The following STX3 variants were observed in gnomAD, a reference collection of about 807,000 sequenced individuals.
STX3 encodes the protein syntaxin 3, also known as syntaxin-3.
A neutral mutation model predicts 40.2 loss-of-function variants in STX3; 19 were observed. The observed-to-expected ratio is 0.47, with a 90% confidence interval of 0.33 to 0.69. The LOEUF (loss-of-function observed/expected upper bound fraction) is 0.69, where lower values mean the gene tolerates loss of function less well. STX3 is among the 30% of genes least tolerant of loss of function. The probability of loss-of-function intolerance (pLI) is 0.02; values close to 1 mark genes in which losing one functional copy is unlikely to be tolerated. For synonymous variants in STX3, 122 were observed against 132.2 expected, an observed-to-expected ratio of 0.92 and a Z score of 0.53; for missense variants, 364 against 366.7, an observed-to-expected ratio of 0.99 and a Z score of 0.06.
rs768902365 is a variant in STX3, at chr11:59,792,154, T to C, written c.405T>C (p.Asn135=). 1.2e-6 allele frequency: 2 copies of C among 1,613,984 alleles called. No individual in the cohort carries two copies. The highest frequency in any genetic ancestry group is 1.7e-6 in the Non-Finnish European group (2 of 1,180,040). Residue 135 remains asparagine (N), a synonymous_variant, in exon 6 of 11, where the codon AAT becomes AAC. Coordinates refer to ENST00000337979, the MANE Select transcript of STX3 (RefSeq NM_004177.5). ...TTGTGGAGGTGATGACCAAATACAA[T>C]GAAGCTCAAGTGGACTTCCGAGAAC... is the stretch of plus-strand genomic sequence containing the variant. The part of the protein sequence containing the change: ...RKFVEVMTKY[N]EAQVDFRERS...
At chr11:59,763,123 G>A (rs887309527) in intron 1 of STX3, among the ~76,000 whole-genome samples, 8 of 152,164 alleles carry the variant, frequency 5.3e-5, no homozygotes, top group Non-Finnish European at 1.2e-4. Context: ...AAATACTGCC[G>A]GATGAAAGAA....
chr11:59,800,821 G>A (rs941858288), intron 10 of STX3, 34 bp from the exon 11 acceptor site: 1 of 1,536,198 alleles, frequency 6.5e-7, no homozygotes, highest in Non-Finnish European at 8.7e-7. Flanking sequence ...TTCTTCCTGT[G>A]TACTGATCAG....
intron 1 of STX3, among the ~76,000 whole-genome samples, chr11:59,756,485 C>T (rs185193218): frequency 1.9e-3 from 283 of 152,312 alleles, no homozygotes; most frequent in Admixed American, 4.6e-3. Context: ...TTCAGTGGCA[C>T]AGGTTCTACC....
intron 3 of STX3, among the ~76,000 whole-genome samples, chr11:59,787,873 G>C (rs1864877247): frequency 6.6e-6 from 1 of 152,200 alleles, no homozygotes; most frequent in African/African-American, 2.4e-5. Flanking sequence ...GAACAAGCCT[G>C]ACACTGTCAT....
chr11:59,799,127 C>T (rs971600097), intron 10 of STX3, among the ~76,000 whole-genome samples: 6 of 151,244 alleles, frequency 4.0e-5, no homozygotes, highest in Non-Finnish European at 5.9e-5. Flanking sequence ...TGGACTCAAG[C>T]GATCCACTTG....
At chr11:59,789,211 TTTGTGAC>T (rs1354159709) in intron 4 of STX3, 1 of 312,390 alleles carries the variant, frequency 3.2e-6, no homozygotes, top group Non-Finnish European at 6.0e-6. Flanking sequence ...GCTGAGTAGT[TTTGTGAC>T]TTGGTCCTTT....
intron 2 of STX3, among the ~76,000 whole-genome samples, chr11:59,779,578 T>G (rs1321177997): frequency 6.6e-6 from 1 of 152,250 alleles, no homozygotes; most frequent in Non-Finnish European, 1.5e-5. Context: ...AGCATACTTG[T>G]CTCCTGCAGT....
intron 1 of STX3, among the ~76,000 whole-genome samples, chr11:59,764,888 A>G (rs1442298061): frequency 9.3e-6 from 1 of 107,264 alleles, no homozygotes; most frequent in Non-Finnish European, 1.9e-5. Context: ...ATTATCTATT[A>G]TTATTATTAT....
At chr11:59,773,394 G>T in intron 2 of STX3, 100 bp downstream of exon 2, 2 of 1,252,188 alleles carry the variant, frequency 1.6e-6, no homozygotes, top group Non-Finnish European at 2.3e-6. Context: ...AGCAGAGGAA[G>T]GTCACAGTTT....
At chr11:59,781,728 G>C (rs892663801) in intron 2 of STX3, 9 of 1,586,342 alleles carry the variant, frequency 5.7e-6, no homozygotes, top group Admixed American at 1.8e-5. Context: ...CATGGTGGGT[G>C]CGGGCGGGCT....
Position 59,764,403 on chromosome 11 carries a change from A to G in STX3, c.30+8768A>G, listed in dbSNP as rs143210588. Among the ~76,000 whole-genome samples, 233 of 152,342 alleles carry G rather than the reference A, an allele frequency of 1.5e-3. 3 individuals are homozygous for G. In the East Asian group the frequency reaches 0.016, roughly 10 times the overall value. On this transcript the variant is annotated intron_variant, in intron 1 of 10. Transcript: ENST00000337979. ...GCAGATTATTCTTGTCATGTCACAA[A>G]TGAAGAAACTGAGGCACAGAGAAGT... is the stretch of plus-strand genomic sequence containing the variant.
intron 5 of STX3, among the ~76,000 whole-genome samples, chr11:59,791,822 A>G (rs1483101593): frequency 2.0e-5 from 3 of 152,178 alleles, no homozygotes; most frequent in Non-Finnish European, 4.4e-5. Flanking sequence ...CTACTAGTCC[A>G]TGTGGATGTA....
intron 1 of STX3, among the ~76,000 whole-genome samples, chr11:59,768,979 G>C (rs1863416904): frequency 6.6e-6 from 1 of 152,120 alleles, no homozygotes; most frequent in Admixed American, 6.5e-5. Context: ...TGGGCTTTTA[G>C]TGTATCCATC....
At chr11:59,780,535 A>G (rs1449035103) in intron 2 of STX3, among the ~76,000 whole-genome samples, 1 of 152,188 alleles carries the variant, frequency 6.6e-6, no homozygotes, top group Non-Finnish European at 1.5e-5. Context: ...AGGAGGGAAG[A>G]GACCATAGTT....
rs747164715 is a variant in STX3 at position 59,793,423 on chromosome 11, AG to A, written c.587del (p.Gly196AspfsTer7). On this transcript the variant is annotated frameshift_variant, in exon 8 of 11. Transcript: ENST00000337979. LOFTEE classifies it high-confidence loss of function. ...TCCAAGCAAGCCCTCAGTGAGATTG[AG>A]GGACGACACAAGGACATTGTGAGGC... is the stretch of plus-strand genomic sequence containing the variant. ...QISKQALSEI[E>X]GRHKDIVRLE... 6.2e-7 allele frequency: 1 copy of A among 1,614,160 alleles called. No individual in the cohort carries two copies. The highest frequency in any genetic ancestry group is 8.5e-7 in the Non-Finnish European group (1 of 1,180,018).
At chr11:59,783,341 T>C (rs1024837028) in intron 2 of STX3, among the ~76,000 whole-genome samples, 1 of 152,200 alleles carries the variant, frequency 6.6e-6, no homozygotes, top group African/African-American at 2.4e-5. Flanking sequence ...GATTTAGTAT[T>C]CCTGAGTTCA....
intron 5 of STX3, 112 bp from the exon 6 acceptor site, chr11:59,791,994 GT>G (rs1565187529): frequency 6.8e-6 from 6 of 885,470 alleles, no homozygotes; most frequent in Non-Finnish European, 9.1e-6. Context: ...TTGACACCTG[GT>G]TTTTTGATTC....
chr11:59,761,587 G>A (rs1394404230), intron 1 of STX3, among the ~76,000 whole-genome samples: 2 of 152,092 alleles, frequency 1.3e-5, no homozygotes, highest in East Asian at 1.9e-4. Flanking sequence ...GTCCCTGAGG[G>A]GCCTTACCTC....
intron 6 of STX3, 41 bp from the exon 7 acceptor site, chr11:59,793,058 C>T (rs770875943): frequency 1.3e-5 from 21 of 1,598,732 alleles, no homozygotes; most frequent in Middle Eastern, 1.8e-4. Context: ...GGTGTTTCAC[C>T]GTGATCTTAT....
Sources: gnomAD v4.1 joint callset for allele counts (sites outside exome capture counted in the v4.1 genomes callset) on GRCh38, gnomAD v4.1.1 for gene constraint, MANE v1.5 for transcripts, NCBI Gene and HGNC (gene_info 2026-07-23, HGNC 2026-07-21) for gene names.